The following HSD17B2 variants were observed in gnomAD, a reference collection of about 807,000 sequenced individuals.
HSD17B2 encodes the protein 17-beta-hydroxysteroid dehydrogenase type 2.
A neutral mutation model predicts 26.9 loss-of-function variants in HSD17B2; 32 were observed. That is an observed-to-expected ratio of 1.19 (90% confidence interval 0.90 to 1.60). The LOEUF (loss-of-function observed/expected upper bound fraction) is 1.60, where lower values mean the gene tolerates loss of function less well. Ranked by LOEUF, HSD17B2 falls within the 40% of genes most tolerant of loss-of-function variation. The probability of loss-of-function intolerance (pLI) is 0.00; values close to 1 mark genes in which losing one functional copy is unlikely to be tolerated. For synonymous variants in HSD17B2, 246 were observed against 186.7 expected (o/e 1.32, Z -2.59); for missense variants, 613 against 468.6 (o/e 1.31, Z -2.85).
At chr16:82,096,846 A>G (rs1904853881) in intron 4 of HSD17B2, 1 of 152,140 alleles carries the variant, frequency 6.6e-6, no homozygotes, top group Non-Finnish European at 1.5e-5. Context: ...TATACTGTTG[A>G]ATAAAGAAGC....
In HSD17B2 at chr16:82,065,272, G is replaced by C. The variant is rs538770673; in HGVS notation, c.266-2898G>C. ...AGTTTGCATGCCTTCATGGTCAGCAGCTCTAAGTGGGTGGATGACCCCTTT... is the reference window on the plus strand; with the variant it reads ...AGTTTGCATGCCTTCATGGTCAGCACCTCTAAGTGGGTGGATGACCCCTTT... On this transcript the variant is annotated intron_variant, in intron 1 of 4. Transcript: ENST00000199936. 2.6e-5 allele frequency among the ~76,000 whole-genome samples: 4 copies of C among 152,322 alleles called. 1 individual carries two copies. The highest frequency in any genetic ancestry group is 9.6e-5 in the African/African-American group (4 of 41,572).
Position 82,053,085 on chromosome 16 carries a change from T to C in HSD17B2, c.266-15085T>C, listed in dbSNP as rs570318881. ...CTCTCAATGCCATCAACATATGAAT[T>C]TGGGGATTAAGTTTACTACACATGA... On this transcript the variant is annotated intron_variant, in intron 1 of 4. Coordinates refer to ENST00000199936, the MANE Select transcript of HSD17B2 (RefSeq NM_002153.3). 3.5e-3 allele frequency among the ~76,000 whole-genome samples: 529 copies of C among 152,304 alleles called. 2 individuals carry two copies. The highest frequency in any genetic ancestry group is 5.0e-3 in the Non-Finnish European group (342 of 68,020).
intron 3 of HSD17B2, among the ~76,000 whole-genome samples, chr16:82,075,072 G>C (rs1434533467): frequency 6.6e-6 from 1 of 152,070 alleles, no homozygotes; most frequent in East Asian, 1.9e-4. Context: ...TAAGCACATG[G>C]AAATTAAACA....
chr16:82,053,319 A>C (rs1023175053), intron 1 of HSD17B2, among the ~76,000 whole-genome samples: 7 of 152,210 alleles, frequency 4.6e-5, no homozygotes, highest in Non-Finnish European at 1.0e-4. Flanking sequence ...GATTTGGAAG[A>C]GGCACACATC....
chr16:82,089,985 T>C (rs937427427), intron 3 of HSD17B2, among the ~76,000 whole-genome samples: 2 of 152,154 alleles, frequency 1.3e-5, no homozygotes, highest in Admixed American at 1.3e-4. Flanking sequence ...ACAAACTCAG[T>C]TTAAGGCTCA....
intron 4 of HSD17B2, chr16:82,091,934 G>A (rs1326737457): frequency 1.3e-5 from 2 of 152,158 alleles, no homozygotes; most frequent in African/African-American, 4.8e-5. Context: ...TGCTCTGAGC[G>A]GGACCTTTCT....
At position 82,087,853 on chromosome 16, in the gene HSD17B2, G is replaced by A. The variant is rs535522467; in HGVS notation, c.665-3049G>A. ...AGAGAGGGAGAAAGAGAAAGAGAGC[G>A]AAAGGGGGCCAAAATCCCCTTTTTA... is the stretch of plus-strand genomic sequence containing the variant. On this transcript the variant is annotated intron_variant, in intron 3 of 4. Transcript: ENST00000199936. Among the ~76,000 whole-genome samples the A allele has an allele frequency of 1.5e-3, 228 of 152,174 alleles. 1 individual carries two copies. Among genetic ancestry groups the A allele is most frequent in the African/African-American group, 5.1e-3 (211 of 41,510 alleles).
Position 82,080,237 on chromosome 16 carries a change from C to T in HSD17B2, c.664+9110C>T, listed in dbSNP as rs527307984. On this transcript the variant is annotated intron_variant, in intron 3 of 4. Coordinates refer to ENST00000199936, the MANE Select transcript of HSD17B2 (RefSeq NM_002153.3). Reference sequence around the variant, plus strand: ...AATAATGGGTCCCCAGAAACATACACGTCCCATTGTCTGCAACCTGTGAGC... The same window carrying T: ...AATAATGGGTCCCCAGAAACATACATGTCCCATTGTCTGCAACCTGTGAGC... Among the ~76,000 whole-genome samples, 198 of 152,322 alleles carry T rather than the reference C, an allele frequency of 1.3e-3. 1 individual carries two copies. Among genetic ancestry groups the T allele is most frequent in the African/African-American group, 3.5e-3 (146 of 41,564 alleles).
chr16:82,077,549 CA>C (rs1374865307), intron 3 of HSD17B2, among the ~76,000 whole-genome samples: 2 of 151,946 alleles, frequency 1.3e-5, no homozygotes, highest in Non-Finnish European at 2.9e-5. Context: ...GGCAACATGG[CA>C]AAACCATGTC....
intron 1 of HSD17B2, among the ~76,000 whole-genome samples, chr16:82,051,224 A>T (rs1441691590): frequency 6.6e-6 from 1 of 152,212 alleles, no homozygotes; most frequent in Non-Finnish European, 1.5e-5. Flanking sequence ...TAATGATAGC[A>T]TTGCGTACGG....
At chr16:82,071,492 A>T in intron 3 of HSD17B2, 1 of 358,672 alleles carries the variant, frequency 2.8e-6, no homozygotes. Context: ...AATTTAACAC[A>T]CTGTGTTCAG....
intron 1 of HSD17B2, among the ~76,000 whole-genome samples, chr16:82,059,190 T>C (rs1914362092): frequency 6.6e-6 from 1 of 152,220 alleles, no homozygotes; most frequent in African/African-American, 2.4e-5. Flanking sequence ...ACCAATATTG[T>C]AATTATTTAT....
intron 1 of HSD17B2, among the ~76,000 whole-genome samples, chr16:82,056,757 T>C (rs1914282155): frequency 6.6e-6 from 1 of 152,216 alleles, no homozygotes; most frequent in Admixed American, 6.5e-5. Flanking sequence ...GTTGACTATA[T>C]TCAGAGAGAA....
In HSD17B2 at chr16:82,037,354, G is replaced by C. The variant is rs968137509; in HGVS notation, c.265+1665G>C. 5.9e-5 allele frequency among the ~76,000 whole-genome samples: 9 copies of C among 152,180 alleles called. No homozygotes were observed. The East Asian group carries it at 1.5e-3, about 26-fold the overall frequency. On this transcript the variant is annotated intron_variant, in intron 1 of 4. Coordinates refer to ENST00000199936, the MANE Select transcript of HSD17B2 (RefSeq NM_002153.3). The stretch of plus-strand genomic sequence containing the variant: ...CCTCAAGACCTTTGTATGAAATCGA[G>C]AAATTTAAAATGAATTCATTTTGTT...
intron 3 of HSD17B2, among the ~76,000 whole-genome samples, chr16:82,077,792 GAAGAA>G (rs879508469): frequency 2.7e-3 from 408 of 150,900 alleles, no homozygotes; most frequent in African/African-American, 6.2e-3. Context: ...AGGAAGAAAG[GAAGAA>G]AAGAAAAGAA....
chr16:82,039,330 TGAGAGAGAGA>T (rs34511068), intron 1 of HSD17B2, among the ~76,000 whole-genome samples: 1 of 143,520 alleles, frequency 7.0e-6, no homozygotes, highest in Non-Finnish European at 1.5e-5. Flanking sequence ...AGTTAGCAGA[TGAGAGAGAGA>T]GAGAGAGAGA....
At chr16:82,047,831 G>A (rs950310553) in intron 1 of HSD17B2, among the ~76,000 whole-genome samples, 1 of 152,154 alleles carries the variant, frequency 6.6e-6, no homozygotes, top group African/African-American at 2.4e-5. Flanking sequence ...ATGCAGGGAG[G>A]CACTATGGCC....
intron 1 of HSD17B2, among the ~76,000 whole-genome samples, chr16:82,057,871 A>G (rs1234155770): frequency 6.6e-6 from 1 of 152,208 alleles, no homozygotes; most frequent in Non-Finnish European, 1.5e-5. Context: ...GTCATAGCCC[A>G]CAGGAGTCTA....
intron 1 of HSD17B2, among the ~76,000 whole-genome samples, chr16:82,038,501 T>C (rs909328785): frequency 6.6e-6 from 1 of 152,184 alleles, no homozygotes; most frequent in African/African-American, 2.4e-5. Flanking sequence ...AGGCACGTGC[T>C]ACCACGTTGG....
Sources: gnomAD v4.1 joint callset for allele counts (sites outside exome capture counted in the v4.1 genomes callset) on GRCh38, gnomAD v4.1.1 for gene constraint, MANE v1.5 for transcripts, NCBI Gene and HGNC (gene_info 2026-07-23, HGNC 2026-07-21) for gene names.